MAT1A: variants seen among roughly 807,000 people sequenced by gnomAD.
The protein encoded by MAT1A is methionine adenosyltransferase 1A.
MAT1A carries 19 observed loss-of-function variants against 44.0 expected under a neutral mutation model. The observed-to-expected ratio is 0.43, with a 90% CI of 0.30 to 0.63. The LOEUF (loss-of-function observed/expected upper bound fraction) is 0.63, where lower values mean the gene tolerates loss of function less well. Among genes scored for constraint, MAT1A ranks in the 30% least tolerant of loss-of-function variants. The pLI, the probability that MAT1A is intolerant of heterozygous loss-of-function variation, is 0.12. For missense variants in MAT1A, 397 were observed against 531.0 expected, an observed-to-expected ratio of 0.75 and a Z score of 2.48; for synonymous variants, 205 against 205.6, an observed-to-expected ratio of 1.00 and a Z score of 0.03.
intron 1 of MAT1A, 46 bp downstream of exon 1, chr10:80,289,287 G>C: frequency 6.7e-7 from 1 of 1,495,216 alleles, no homozygotes; most frequent in Non-Finnish European, 9.3e-7. Context: ...CCTCAGTATA[G>C]GCTTGGAATG....
At chr10:80,282,580 C>T (rs112544455) in intron 3 of MAT1A, among the ~76,000 whole-genome samples, 82 of 152,210 alleles carry the variant, frequency 5.4e-4, no homozygotes, top group African/African-American at 1.9e-3. Flanking sequence ...CGTGTGGTAA[C>T]GCCTCAGGAA....
chr10:80,275,561 T>G, intron 6 of MAT1A: 1 of 342,782 alleles, frequency 2.9e-6, no homozygotes, highest in Non-Finnish European at 5.6e-6. Context: ...TGGTGCCACC[T>G]AGCAAATGCC....
At chr10:80,275,485 G>A in intron 6 of MAT1A, 3 of 497,948 alleles carry the variant, frequency 6.0e-6, no homozygotes, top group Non-Finnish European at 1.1e-5. Flanking sequence ...CTTTGTTACT[G>A]AGTCCATCAC....
At chr10:80,288,877 C>T (rs1384327756) in intron 1 of MAT1A, among the ~76,000 whole-genome samples, 1 of 152,220 alleles carries the variant, frequency 6.6e-6, no homozygotes, top group Non-Finnish European at 1.5e-5. Context: ...GTCTTGGACC[C>T]ACTGTGCTGG....
intron 7 of MAT1A, 116 bp from the exon 8 acceptor site, chr10:80,274,769 T>C (rs375426682): frequency 4.3e-6 from 6 of 1,402,402 alleles, no homozygotes; most frequent in Non-Finnish European, 5.9e-6. Flanking sequence ...TTGCCCCACA[T>C]GCTCCCCTGC....
intron 7 of MAT1A, 130 bp downstream of exon 7, chr10:80,274,887 C>T: frequency 7.8e-7 from 1 of 1,288,160 alleles, no homozygotes; most frequent in Non-Finnish European, 1.1e-6. Flanking sequence ...CAGTGCCCAA[C>T]ACAATCACAC....
At chr10:80,285,627 A>G in intron 1 of MAT1A, 38 bp from the exon 2 acceptor site, 1 of 1,331,582 alleles carries the variant, frequency 7.5e-7, no homozygotes, top group South Asian at 1.2e-5. Context: ...TCACAAAAAT[A>G]TTCGGGATAA....
At position 80,271,857 on chromosome 10, in the gene MAT1A, G is replaced by A. The variant is rs772763454; in HGVS notation, c.*1924C>T. 13 of 152,110 alleles carry A rather than the reference G, an allele frequency of 8.5e-5. No homozygotes were observed. Among genetic ancestry groups the A allele is most frequent in the Non-Finnish European group, 7.4e-5 (5 of 68,002 alleles). 9.4% of individuals were successfully genotyped at this position (152,110 alleles called of 1,614,324 possible). On this transcript the variant is annotated 3_prime_UTR_variant, in exon 9 of 9. Coordinates refer to ENST00000372213, the MANE Select transcript of MAT1A (RefSeq NM_000429.3). ...GAGTTTTTATTCATTGTTTTAGCAG[G>A]AACTATTAACAAATAAAGGCTTTAG...
chr10:80,283,880 G>C (rs1335111305), intron 3 of MAT1A, 36 bp downstream of exon 3: 1 of 1,613,028 alleles, frequency 6.2e-7, no homozygotes, highest in Admixed American at 1.7e-5. Flanking sequence ...TCAGCAGAGA[G>C]CAACAGGGAT....
chr10:80,280,873 C>T, intron 3 of MAT1A, 81 bp from the exon 4 acceptor site: 1 of 989,412 alleles, frequency 1.0e-6, no homozygotes, highest in Non-Finnish European at 1.6e-6. Flanking sequence ...TGGCTCGGTT[C>T]CTGACATGCC....
rs1386333609 is a variant in MAT1A at position 80,276,531 on chromosome 10, T to C, written c.613A>G (p.Ile205Val). 1 of 1,614,070 alleles carries C rather than the reference T, an allele frequency of 6.2e-7. No homozygotes were observed. ...VIPVRIHTIV[I>V]SVQHNEDITL... ...ATGTCTTCGTTGTGCTGCACAGAGA[T>C]GACGATGGTGTGGATGCGCACAGGG... is the stretch of plus-strand genomic sequence containing the variant. The change falls in exon 6 of 9, where the codon ATC (isoleucine) becomes GTC (valine). Residue 205 changes from isoleucine (I) to valine (V), a missense_variant. By Grantham distance (29) the Ile-to-Val change is conservative (BLOSUM62 3). Transcript: ENST00000372213.
chr10:80,289,261 C>G, intron 1 of MAT1A, 72 bp downstream of exon 1: 1 of 1,228,878 alleles, frequency 8.1e-7, no homozygotes, highest in African/African-American at 1.5e-5. Flanking sequence ...AAATTAAAAC[C>G]ATTTGTAAGT....
intron 3 of MAT1A, among the ~76,000 whole-genome samples, chr10:80,283,011 A>G (rs1387482241): frequency 6.6e-6 from 1 of 152,198 alleles, no homozygotes; most frequent in African/African-American, 2.4e-5. Flanking sequence ...TCTCACAGTG[A>G]TTTCAGAGAA....
chr10:80,282,466 C>T (rs1841579932), intron 3 of MAT1A, among the ~76,000 whole-genome samples: 1 of 152,194 alleles, frequency 6.6e-6, no homozygotes, highest in Non-Finnish European at 1.5e-5. Context: ...GGAACATTGC[C>T]TCCTGGAAAA....
At chr10:80,277,731 C>G (rs1841510790) in intron 5 of MAT1A, among the ~76,000 whole-genome samples, 1 of 152,152 alleles carries the variant, frequency 6.6e-6, no homozygotes, top group African/African-American at 2.4e-5. Flanking sequence ...TGACTCCACC[C>G]CCACCCGGCA....
chr10:80,288,079 T>C (rs940110618), intron 1 of MAT1A, among the ~76,000 whole-genome samples: 16 of 152,264 alleles, frequency 1.1e-4, no homozygotes, highest in African/African-American at 3.4e-4. Context: ...GGCTAAAGTA[T>C]ATGGAAGGAG....
chr10:80,273,894 A>G lies in MAT1A; in HGVS notation c.1086-11T>C, dbSNP rs375448565. 4.5e-6 allele frequency: 7 copies of G among 1,565,338 alleles called. No individual in the cohort carries two copies. The African/African-American group carries it at 9.5e-5, about 21-fold the overall frequency. ...TTCAAGTCCAAATCCCTGCATGTCC[A>G]GCAGAAAGGAAGGGCATTGGAAGAT... On this transcript the variant is annotated splice_polypyrimidine_tract_variant and intron_variant, in intron 8 of 8. Coordinates refer to ENST00000372213, the MANE Select transcript of MAT1A (RefSeq NM_000429.3).
In MAT1A at chr10:80,285,190, G is replaced by C. The variant is rs563309791; in HGVS notation, c.169+322C>G. Among the ~76,000 whole-genome samples the C allele has an allele frequency of 3.3e-5, 5 of 152,276 alleles. No homozygotes were observed. The East Asian group carries it at 9.7e-4, about 29-fold the overall frequency. Reference sequence around the variant, plus strand: ...CATCCCGTCTGGAAGATTCACCTAAGAACTTTGAAAGACCTCCTTGTTCCC... The same window carrying C: ...CATCCCGTCTGGAAGATTCACCTAACAACTTTGAAAGACCTCCTTGTTCCC... On this transcript the variant is annotated intron_variant, in intron 2 of 8. Transcript: ENST00000372213.
chr10:80,277,886 C>T (rs1456064110), intron 5 of MAT1A, among the ~76,000 whole-genome samples: 2 of 152,254 alleles, frequency 1.3e-5, no homozygotes, highest in Non-Finnish European at 2.9e-5. Flanking sequence ...CAAAAATAGC[C>T]ATCCACACTG....
Sources: allele counts gnomAD v4.1 joint callset (sites outside exome capture counted in the v4.1 genomes callset), GRCh38; gene constraint gnomAD v4.1.1; transcripts MANE v1.5; gene names NCBI Gene and HGNC (gene_info 2026-07-23, HGNC 2026-07-21).